DGKB: variants seen among roughly 807,000 people sequenced by gnomAD.
DGKB encodes the protein diacylglycerol kinase beta, also known as 90 kDa diacylglycerol kinase.
Under a neutral mutation model 114.3 loss-of-function variants are expected in DGKB, and 67 were observed. The observed-to-expected ratio is 0.59, with a 90% CI of 0.48 to 0.72. The LOEUF (loss-of-function observed/expected upper bound fraction) is 0.72. Ranked by LOEUF, DGKB falls within the 30% of genes least tolerant of loss-of-function variation. The pLI is 0.00. For missense variants in DGKB, 907 were observed against 975.2 expected, an observed-to-expected ratio of 0.93 and a Z score of 0.93; for synonymous variants, 398 against 323.1, an observed-to-expected ratio of 1.23 and a Z score of -2.49.
Position 14,145,896 on chromosome 7 carries a change from T to G in DGKB, c.*3235A>C, listed in dbSNP as rs1311777291. ...CAGTGTGAGATTCAAAACATATTCT[T>G]CCCTGAAAAATTGCAACTACTTCCC... On this transcript the variant is annotated 3_prime_UTR_variant, in exon 26 of 26. Transcript: ENST00000402815. 1 of 152,146 alleles carries G rather than the reference T, an allele frequency of 6.6e-6. No homozygotes were observed. The highest frequency in any genetic ancestry group is 1.5e-5 in the Non-Finnish European group (1 of 68,042). 9.4% of individuals were successfully genotyped at this position (152,146 alleles called of 1,614,324 possible). A position where few individuals can be genotyped will look rare whatever the true frequency, so the allele number is the denominator to read the frequency against.
chr7:14,644,136 T>C (rs1585293517), intron 13 of DGKB, among the ~76,000 whole-genome samples: 1 of 150,484 alleles, frequency 6.6e-6, no homozygotes, highest in Admixed American at 6.6e-5. Context: ...AAAAATCATA[T>C]GGAGAATACA....
At chr7:14,284,030 A>G (rs1420053733) in intron 23 of DGKB, among the ~76,000 whole-genome samples, 4 of 152,186 alleles carry the variant, frequency 2.6e-5, no homozygotes, top group African/African-American at 4.8e-5. Flanking sequence ...TAATTAAATT[A>G]AAGAGCTTCT....
intron 20 of DGKB, among the ~76,000 whole-genome samples, chr7:14,491,120 T>C (rs1332217483): frequency 6.6e-6 from 1 of 152,092 alleles, no homozygotes; most frequent in Non-Finnish European, 1.5e-5. Flanking sequence ...CATATTGATA[T>C]GGTTTGGCTG....
At chr7:14,323,056 C>T (rs915864699) in intron 23 of DGKB, among the ~76,000 whole-genome samples, 1 of 151,952 alleles carries the variant, frequency 6.6e-6, no homozygotes, top group African/African-American at 2.4e-5. Flanking sequence ...TCAATTTATA[C>T]CCAGAAAAAT....
intron 21 of DGKB, among the ~76,000 whole-genome samples, chr7:14,358,874 A>G (rs2128624813): frequency 6.6e-6 from 1 of 152,260 alleles, no homozygotes; most frequent in Admixed American, 6.5e-5. Flanking sequence ...ACACTGCCCA[A>G]GGTAATTTAT....
At chr7:14,492,941 A>G (rs1784798821) in intron 20 of DGKB, among the ~76,000 whole-genome samples, 1 of 152,120 alleles carries the variant, frequency 6.6e-6, no homozygotes, top group Non-Finnish European at 1.5e-5. Flanking sequence ...GCAAACATGG[A>G]ACTATCCCTG....
At chr7:14,338,798 A>T (rs1811125591) in intron 22 of DGKB, 88 bp from the exon 23 acceptor site, 1 of 839,802 alleles carries the variant, frequency 1.2e-6, no homozygotes, top group Admixed American at 3.8e-5. Flanking sequence ...TCTTTTAATA[A>T]GTGCGTTGAA....
At chr7:14,894,285 CT>C (rs1223000412) in intron 1 of DGKB, among the ~76,000 whole-genome samples, 1 of 151,352 alleles carries the variant, frequency 6.6e-6, no homozygotes, top group African/African-American at 2.4e-5. Flanking sequence ...CTCAAACAGT[CT>C]TTCTTTATCT....
chr7:14,557,545 T>C (rs1407575520), intron 20 of DGKB, among the ~76,000 whole-genome samples: 1 of 152,106 alleles, frequency 6.6e-6, no homozygotes, highest in Non-Finnish European at 1.5e-5. Context: ...TTTTTCCTAG[T>C]TCTTTCTTAA....
At chr7:14,904,334 G>A (rs763035884), upstream of DGKB, among the ~76,000 whole-genome samples, 12 of 152,022 alleles carry the variant, frequency 7.9e-5, 1 homozygote, top group Admixed American at 3.3e-4. Flanking sequence ...TGTAATGCAC[G>A]CCTTTAATTA....
rs191991206 is a variant in DGKB at position 14,943,190 on chromosome 7, T to C, written c.-188+31506A>G. Among the ~76,000 whole-genome samples the C allele has an allele frequency of 2.5e-3, 380 of 152,098 alleles. 2 individuals are homozygous for C. Among genetic ancestry groups the C allele is most frequent in the African/African-American group, 8.8e-3 (364 of 41,562 alleles). On this transcript the variant is annotated intron_variant, in intron 1 of 4. Coordinates refer to the DGKB transcript ENST00000437998. ...AGATATATTTAAACCTGTCTATCTG[T>C]TGTGTTATAACATTGTTCCTAGATA...
chr7:14,754,851 T>C (rs1467686017), intron 3 of DGKB, among the ~76,000 whole-genome samples: 2 of 152,124 alleles, frequency 1.3e-5, no homozygotes, highest in East Asian at 3.9e-4. Flanking sequence ...ACAAAAGCAA[T>C]GTCTTCCCAT....
intron 13 of DGKB, among the ~76,000 whole-genome samples, chr7:14,638,854 T>C (rs1006381477): frequency 6.6e-5 from 10 of 151,990 alleles, no homozygotes; most frequent in African/African-American, 2.4e-4. Flanking sequence ...CTGGCCAATA[T>C]GGTGAAACCC....
chr7:14,429,975 A>G (rs1454644073), intron 21 of DGKB, among the ~76,000 whole-genome samples: 2 of 152,186 alleles, frequency 1.3e-5, no homozygotes, highest in Non-Finnish European at 2.9e-5. Context: ...TCCTGCAAGC[A>G]TACTAGTCTT....
chr7:14,891,312 A>T (rs1781192517), intron 1 of DGKB, among the ~76,000 whole-genome samples: 1 of 151,508 alleles, frequency 6.6e-6, no homozygotes, highest in South Asian at 2.1e-4. Context: ...GAGATGCTTT[A>T]TGAGATAACT....
intron 4 of DGKB, among the ~76,000 whole-genome samples, chr7:14,748,540 G>A (rs775232568): frequency 6.6e-6 from 1 of 152,116 alleles, no homozygotes; most frequent in Admixed American, 6.5e-5. Context: ...CCAGTGAGGA[G>A]GAGCAGGAAA....
chr7:14,887,744 T>G (rs1362468990), intron 1 of DGKB, among the ~76,000 whole-genome samples: 1 of 151,844 alleles, frequency 6.6e-6, no homozygotes, highest in African/African-American at 2.4e-5. Context: ...ATGACATATA[T>G]ATAAAATTGT....
At chr7:14,198,286 T>C (rs140416597) in intron 23 of DGKB, among the ~76,000 whole-genome samples, 40 of 152,200 alleles carry the variant, frequency 2.6e-4, no homozygotes, top group African/African-American at 9.6e-4. Context: ...TAGGGAAATA[T>C]ACAGCAGTTG....
chr7:14,538,045 T>C (rs1444663160), intron 20 of DGKB, among the ~76,000 whole-genome samples: 1 of 125,102 alleles, frequency 8.0e-6, no homozygotes, highest in Non-Finnish European at 1.6e-5. Flanking sequence ...ATGCGTTTGC[T>C]GGAAGCTCCA....
Sources: allele counts gnomAD v4.1 joint callset (sites outside exome capture counted in the v4.1 genomes callset), GRCh38; gene constraint gnomAD v4.1.1; transcripts MANE v1.5; gene names NCBI Gene and HGNC (gene_info 2026-07-23, HGNC 2026-07-21).